The following TNFRSF14 variants were observed in gnomAD, a reference collection of about 807,000 sequenced individuals.
TNFRSF14 encodes the protein TNF receptor superfamily member 14, also known as tumor necrosis factor receptor superfamily member 14.
In TNFRSF14, 18 loss-of-function variants were observed where a neutral mutation model predicts 34.1. The observed-to-expected ratio is 0.53, with a 90% CI of 0.36 to 0.78. The LOEUF (loss-of-function observed/expected upper bound fraction) is 0.78. Among genes scored for constraint, TNFRSF14 ranks in the 30% least tolerant of loss-of-function variants. The pLI is 0.00. For synonymous variants in TNFRSF14, 157 were observed against 153.2 expected, an observed-to-expected ratio of 1.02 and a Z score of -0.18; for missense variants, 352 against 379.5, an observed-to-expected ratio of 0.93 and a Z score of 0.60.
chr1:2,557,445 G>T (rs1203891172), intron 1 of TNFRSF14, among the ~76,000 whole-genome samples: 2 of 152,312 alleles, frequency 1.3e-5, no homozygotes, highest in African/African-American at 4.8e-5. Flanking sequence ...CCAGGTGTGG[G>T]GTGTGGGGTC....
At chr1:2,555,767 G>A (rs1644203205), upstream of TNFRSF14, 1 of 153,066 alleles carries the variant, frequency 6.5e-6, no homozygotes, top group Admixed American at 6.5e-5. This position sits in a 1 kb window ranked among gnomAD's most constrained non-coding sequence, Gnocchi z 6.3. Context: ...GAGGTTCCAT[G>A]TGATGCAGGG....
intron 4 of TNFRSF14, 41 bp downstream of exon 4, chr1:2,560,019 G>A: frequency 6.7e-7 from 1 of 1,488,710 alleles, no homozygotes; most frequent in Non-Finnish European, 9.0e-7. Context: ...TTTCCACCCT[G>A]GTCCCCAGTG....
chr1:2,559,912 G>T lies in TNFRSF14; in HGVS notation c.394G>T (p.Gly132Trp). The T allele has an allele frequency of 1.2e-6, 2 of 1,602,268 alleles. No individual in the cohort carries two copies. The highest frequency in any genetic ancestry group is 1.7e-6 in the Non-Finnish European group (2 of 1,174,866). ...AGGCCACTTCTGCATCGTCCAGGAC[G>T]GGGACCACTGCGCCGCGTGCCGCGC... ...SPGHFCIVQD[G>W]DHCAACRAYA... The change falls in exon 4 of 8, where the codon GGG becomes TGG. Residue 132 changes from glycine to tryptophan, a missense_variant. Coordinates refer to ENST00000355716, the MANE Select transcript of TNFRSF14 (RefSeq NM_003820.4).
At chr1:2,562,541 G>C (rs1644325478) in intron 6 of TNFRSF14, 2 of 511,710 alleles carry the variant, frequency 3.9e-6, no homozygotes, top group South Asian at 2.2e-5. Flanking sequence ...GGTGGGCAGG[G>C]CCTCTCCACT....
chr1:2,561,498 G>T lies in TNFRSF14; in HGVS notation c.552-175G>T. The T allele has an allele frequency of 6.5e-7, 1 of 1,531,286 alleles. No individual in the cohort carries two copies. Among genetic ancestry groups the T allele is most frequent in the Non-Finnish European group, 8.8e-7 (1 of 1,135,718 alleles). The allele number at this position is 1,531,286 out of a possible 1,614,324, so 94.9% of individuals were successfully genotyped here. The stretch of plus-strand genomic sequence containing the variant: ...CTTCTCTCCACCTCCCCATAGCCGA[G>T]CTTGGAAAAGTCAGACAGACCTCTG... On this transcript the variant is annotated intron_variant, in intron 5 of 7. Coordinates refer to ENST00000355716, the MANE Select transcript of TNFRSF14 (RefSeq NM_003820.4). This position sits in a 1 kb window ranked among gnomAD's most constrained non-coding sequence, Gnocchi z 6.0.
At chr1:2,562,459 G>A in intron 6 of TNFRSF14, 1 of 301,416 alleles carries the variant, frequency 3.3e-6, no homozygotes, top group Non-Finnish European at 6.3e-6. Context: ...ATGCGGGGAG[G>A]TCTCGGGGCC....
Position 2,561,823 on chromosome 1 carries a change from C to A in TNFRSF14, c.694+8C>A. 1 of 1,612,354 alleles carries A rather than the reference C, an allele frequency of 6.2e-7. No individual in the cohort carries two copies. Among genetic ancestry groups the A allele is most frequent in the East Asian group, 2.2e-5 (1 of 44,880 alleles). On this transcript the variant is annotated splice_region_variant and intron_variant, in intron 6 of 7. Coordinates refer to ENST00000355716, the MANE Select transcript of TNFRSF14 (RefSeq NM_003820.4). This position sits in a 1 kb window ranked among gnomAD's most constrained non-coding sequence, Gnocchi z 6.0. Reference sequence around the variant, plus strand: ...AAAGAAGAAAGCCAAGGGGTGAGCACACGGCGGCCCCATCAGGGCTCATGT... The same window carrying A: ...AAAGAAGAAAGCCAAGGGGTGAGCAAACGGCGGCCCCATCAGGGCTCATGT...
intron 3 of TNFRSF14, chr1:2,559,453 C>T (rs564173042): frequency 3.8e-5 from 54 of 1,411,644 alleles, no homozygotes; most frequent in South Asian, 3.8e-4. Flanking sequence ...ATGGGAAACC[C>T]GTTTGCGGGG....
At position 2,561,855 on chromosome 1, in the gene TNFRSF14, C is replaced by A; in HGVS notation, c.694+40C>A. ...GCCCCATCAGGGCTCATGTCCCCAG[C>A]CGTCACCTCTTGGAGCTCTGTCACC... On this transcript the variant is annotated intron_variant, in intron 6 of 7. Coordinates refer to ENST00000355716, the MANE Select transcript of TNFRSF14 (RefSeq NM_003820.4). The surrounding 1 kb of genome is among the most constrained non-coding windows in gnomAD (Gnocchi z 6.0). 1 of 1,593,718 alleles carries A rather than the reference C, an allele frequency of 6.3e-7. No individual in the cohort carries two copies.
At chr1:2,560,879 G>A (rs1644299150) in intron 5 of TNFRSF14, 165 bp downstream of exon 5, 1 of 631,892 alleles carries the variant, frequency 1.6e-6, no homozygotes, top group African/African-American at 1.8e-5. Context: ...GCTGAAGCCT[G>A]TGTGCCCCAG....
chr1:2,559,460 G>A lies in TNFRSF14; in HGVS notation c.305-363G>A, dbSNP rs2477682. On this transcript the variant is annotated intron_variant, in intron 3 of 7. Transcript: ENST00000355716. The stretch of plus-strand genomic sequence containing the variant: ...TTGCACAGATGGGAAACCCGTTTGC[G>A]GGGTGGGTGTCTGGGTGGGCACGTG... 4.4e-4 allele frequency: 623 copies of A among 1,424,278 alleles called. 5 individuals are homozygous for A. The African/African-American group carries it at 7.8e-3, about 18-fold the overall frequency. The allele number at this position is 1,424,278 out of a possible 1,614,324, so 88.2% of individuals were successfully genotyped here.
upstream of TNFRSF14, among the ~76,000 whole-genome samples, chr1:2,554,502 A>G (rs1187074731): frequency 2.6e-5 from 4 of 152,102 alleles, no homozygotes; most frequent in African/African-American, 4.8e-5. This position sits in a 1 kb window ranked among gnomAD's most constrained non-coding sequence, Gnocchi z 4.2. Context: ...GAGCGGGGAC[A>G]GGGCTTACTC....
intron 3 of TNFRSF14, 32 bp downstream of exon 3, chr1:2,558,500 G>A (rs779057270): frequency 2.4e-5 from 38 of 1,610,786 alleles, no homozygotes; most frequent in Non-Finnish European, 3.0e-5. Flanking sequence ...CCCAGCCTCC[G>A]CTTGGGCAGC....
intron 3 of TNFRSF14, chr1:2,559,079 A>G (rs1310040396): frequency 7.3e-7 from 1 of 1,369,176 alleles, no homozygotes; most frequent in Non-Finnish European, 9.6e-7. Flanking sequence ...CCCTGCGGCC[A>G]GGCAGGACTG....
chr1:2,559,301 A>G (rs1346725596), intron 3 of TNFRSF14: 23 of 1,366,216 alleles, frequency 1.7e-5, no homozygotes, highest in Admixed American at 4.4e-5. Flanking sequence ...ACTTGGGCTG[A>G]GGATGTGGGG....
chr1:2,559,330 G>A, intron 3 of TNFRSF14: 1 of 1,370,840 alleles, frequency 7.3e-7, no homozygotes, highest in Non-Finnish European at 9.6e-7. Flanking sequence ...GGCAGGTGAG[G>A]CTGCCCTCAG....
chr1:2,557,983 AC>A, intron 2 of TNFRSF14, 149 bp downstream of exon 2: 2 of 702,968 alleles, frequency 2.8e-6, no homozygotes, highest in Non-Finnish European at 4.6e-6. Flanking sequence ...TGAGGGCAGA[AC>A]CCCCAGGCCA....
intron 3 of TNFRSF14, chr1:2,558,700 G>T (rs1644257100): frequency 3.5e-6 from 4 of 1,128,942 alleles, no homozygotes; most frequent in Non-Finnish European, 4.9e-6. Flanking sequence ...GGGCCATCCT[G>T]AGCTTGGCGA....
intron 2 of TNFRSF14, 99 bp from the exon 3 acceptor site, chr1:2,558,244 G>A (rs1644248505): frequency 2.0e-6 from 3 of 1,498,288 alleles, no homozygotes; most frequent in African/African-American, 1.4e-5. Context: ...CCCTTAGCTG[G>A]TGTCTCCCTG....
Sources: gnomAD v4.1 joint callset for allele counts (sites outside exome capture counted in the v4.1 genomes callset) on GRCh38, gnomAD v4.1.1 for gene constraint, Gnocchi (gnomAD v3.1) non-coding constraint, MANE v1.5 for transcripts, NCBI Gene and HGNC (gene_info 2026-07-23, HGNC 2026-07-21) for gene names.